The following NPNT variants were observed in gnomAD, a reference collection of about 807,000 sequenced individuals.
The protein encoded by NPNT is preosteoblast EGF-like repeat protein with MAM domain.
A neutral mutation model predicts 68.6 loss-of-function variants in NPNT; 45 were observed. The observed-to-expected ratio is 0.66, with a 90% confidence interval of 0.52 to 0.84. The LOEUF (loss-of-function observed/expected upper bound fraction) is 0.84. NPNT is among the 40% of genes least tolerant of loss of function. The probability of loss-of-function intolerance (pLI) is 0.00; values close to 1 mark genes in which losing one functional copy is unlikely to be tolerated. For missense variants in NPNT, 672 were observed against 714.8 expected (o/e 0.94, Z 0.68); for synonymous variants, 233 against 253.3 (o/e 0.92, Z 0.76).
At chr4:105,922,229 G>C (rs1728310499) in intron 2 of NPNT, among the ~76,000 whole-genome samples, 2 of 151,796 alleles carry the variant, frequency 1.3e-5, no homozygotes, top group South Asian at 4.2e-4. Flanking sequence ...TTCAAATGTT[G>C]GCACTTTACT....
At chr4:105,953,615 G>A (rs905269845) in intron 8 of NPNT, among the ~76,000 whole-genome samples, 7 of 152,142 alleles carry the variant, frequency 4.6e-5, no homozygotes, top group Admixed American at 1.3e-4. Context: ...AGAGAGACAG[G>A]GAGAGGAGGA....
chr4:105,960,094 G>T (rs1018159276), intron 10 of NPNT, among the ~76,000 whole-genome samples: 4 of 152,212 alleles, frequency 2.6e-5, no homozygotes, highest in Non-Finnish European at 5.9e-5. Context: ...ACAGGCGTGA[G>T]CCACCGCGCC....
chr4:105,905,154 G>A (rs569963785), intron 2 of NPNT, among the ~76,000 whole-genome samples: 8 of 151,768 alleles, frequency 5.3e-5, no homozygotes, highest in East Asian at 1.9e-4. Context: ...TGGGGACACC[G>A]TTTATGATAA....
At position 105,946,239 on chromosome 4, in the gene NPNT, C is replaced by G. The variant is rs145111641; in HGVS notation, c.1159+3537C>G. On this transcript the variant is annotated intron_variant, in intron 8 of 11. Transcript: ENST00000379987. Reference sequence around the variant, plus strand: ...ACTTCCAAAAGAAAGGGGTACAAAACAGAAAAGTTATTTAAACTTTAAGCA... The same window carrying G: ...ACTTCCAAAAGAAAGGGGTACAAAAGAGAAAAGTTATTTAAACTTTAAGCA... 9.2e-5 allele frequency among the ~76,000 whole-genome samples: 14 copies of G among 152,214 alleles called. No individual in the cohort carries two copies. The East Asian group carries it at 2.3e-3, about 25-fold the overall frequency.
intron 8 of NPNT, among the ~76,000 whole-genome samples, chr4:105,951,283 G>T (rs1195793550): frequency 1.3e-5 from 2 of 152,140 alleles, no homozygotes; most frequent in Admixed American, 6.5e-5. Flanking sequence ...CTTATGAGTG[G>T]CCATATCAGA....
intron 2 of NPNT, among the ~76,000 whole-genome samples, chr4:105,908,255 G>T (rs1041442268): frequency 6.6e-6 from 1 of 150,756 alleles, no homozygotes; most frequent in Non-Finnish European, 1.5e-5. Flanking sequence ...ATTTGGCATG[G>T]GTTATTTGCA....
chr4:105,906,013 T>G (rs1331245598), intron 2 of NPNT, among the ~76,000 whole-genome samples: 3 of 152,186 alleles, frequency 2.0e-5, no homozygotes, highest in Non-Finnish European at 4.4e-5. Flanking sequence ...TGGGAAAGTA[T>G]ATAAAGTGGC....
chr4:105,953,663 G>A (rs576569925), intron 8 of NPNT, among the ~76,000 whole-genome samples: 9 of 152,110 alleles, frequency 5.9e-5, no homozygotes, highest in South Asian at 2.1e-4. Context: ...TCATCCCTAC[G>A]CTCCAATCTG....
intron 2 of NPNT, among the ~76,000 whole-genome samples, chr4:105,917,277 C>T (rs761028398): frequency 2.0e-5 from 3 of 152,294 alleles, no homozygotes; most frequent in Middle Eastern, 3.4e-3. Flanking sequence ...TTATGCTGCT[C>T]AGTCTGAGTC....
chr4:105,919,389 A>G (rs1560901508), intron 2 of NPNT, among the ~76,000 whole-genome samples: 1 of 152,150 alleles, frequency 6.6e-6, no homozygotes, highest in Non-Finnish European at 1.5e-5. Flanking sequence ...AAACCACAGT[A>G]TCATTTCACA....
intron 10 of NPNT, among the ~76,000 whole-genome samples, chr4:105,964,913 T>C (rs1732000501): frequency 6.6e-6 from 1 of 152,232 alleles, no homozygotes; most frequent in African/African-American, 2.4e-5. Context: ...AAAATGGTTA[T>C]ACAAGAAGCA....
At chr4:105,965,939 G>T (rs974970886) in intron 10 of NPNT, among the ~76,000 whole-genome samples, 1 of 152,166 alleles carries the variant, frequency 6.6e-6, no homozygotes, top group Non-Finnish European at 1.5e-5. Context: ...CTGCTGGGGA[G>T]CCCTTAGCAC....
intron 2 of NPNT, among the ~76,000 whole-genome samples, chr4:105,915,899 A>G (rs766866817): frequency 1.3e-5 from 2 of 152,156 alleles, no homozygotes; most frequent in South Asian, 2.1e-4. Flanking sequence ...TGCCACAACT[A>G]TCTCCACGGA....
Position 105,898,380 on chromosome 4 carries a change from C to CTCTCTCTCTCTCTCTCTT in NPNT, c.172+379_172+380insTCTCTCTCTCTCTCTCTT, listed in dbSNP as rs58673636. Among the ~76,000 whole-genome samples the CTCTCTCTCTCTCTCTCTT allele has an allele frequency of 8.0e-5, 9 of 112,462 alleles. 1 individual carries two copies. Among genetic ancestry groups the CTCTCTCTCTCTCTCTCTT allele is most frequent in the African/African-American group, 3.5e-4 (8 of 22,964 alleles). 73.8% of individuals were successfully genotyped at this position (112,462 alleles called of 152,430 possible). A position where few individuals can be genotyped will look rare whatever the true frequency, so the allele number is the denominator to read the frequency against. On this transcript the variant is annotated intron_variant, in intron 2 of 11. Transcript: ENST00000379987. Reference sequence around the variant, plus strand: ...TCTCTCTCTCTCTCTCTCTCTCTCTCGCTGACTCGCTTGCTCCAGGCTGGG... The same window carrying CTCTCTCTCTCTCTCTCTT: ...TCTCTCTCTCTCTCTCTCTCTCTCTCTCTCTCTCTCTCTCTCTTGCTGACTCGCTTGCTCCAGGCTGGG...
At chr4:105,943,732 T>C (rs1158215518) in intron 8 of NPNT, among the ~76,000 whole-genome samples, 1 of 152,242 alleles carries the variant, frequency 6.6e-6, no homozygotes, top group African/African-American at 2.4e-5. Context: ...CCTTTATACA[T>C]TACCAGTTTG....
intron 2 of NPNT, among the ~76,000 whole-genome samples, chr4:105,918,949 G>C (rs1243618585): frequency 6.6e-6 from 1 of 152,198 alleles, no homozygotes; most frequent in South Asian, 2.1e-4. Context: ...ATGGCAATGA[G>C]AGCAGAGAGA....
chr4:105,962,175 T>C (rs1244833468), intron 10 of NPNT, among the ~76,000 whole-genome samples: 1 of 152,152 alleles, frequency 6.6e-6, no homozygotes, highest in Non-Finnish European at 1.5e-5. Flanking sequence ...AGAATGAAAA[T>C]CCACTTTGGT....
intron 2 of NPNT, among the ~76,000 whole-genome samples, chr4:105,914,679 G>A (rs1042954581): frequency 6.6e-6 from 1 of 151,628 alleles, no homozygotes; most frequent in African/African-American, 2.4e-5. Context: ...ATCTTAAGGG[G>A]CAGTAGCCCA....
At chr4:105,903,069 A>G (rs540241566) in intron 2 of NPNT, among the ~76,000 whole-genome samples, 1 of 152,206 alleles carries the variant, frequency 6.6e-6, no homozygotes, top group East Asian at 1.9e-4. Flanking sequence ...TACCTGCCAC[A>G]GGGATATGCT....
Sources: allele counts gnomAD v4.1 joint callset (sites outside exome capture counted in the v4.1 genomes callset), GRCh38; gene constraint gnomAD v4.1.1; transcripts MANE v1.5; gene names NCBI Gene and HGNC (gene_info 2026-07-23, HGNC 2026-07-21).